The following DPH6 variants were observed in gnomAD, a reference collection of about 807,000 sequenced individuals.
DPH6 encodes the protein diphthamine biosynthesis 6.
Under a neutral mutation model 38.2 loss-of-function variants are expected in DPH6, and 33 were observed. The ratio of observed to expected loss-of-function variants is 0.86; its 90% CI spans 0.65 to 1.15. DPH6 has a LOEUF of 1.15. Ranked by LOEUF, DPH6 falls within the 50% of genes most tolerant of loss-of-function variation. The pLI, the probability that DPH6 is intolerant of heterozygous loss-of-function variation, is 0.00. For synonymous variants in DPH6, 108 were observed against 103.0 expected (o/e 1.05, Z -0.30); for missense variants, 325 against 320.0 (o/e 1.02, Z -0.12).
At chr15:35,381,349 T>A (rs2052861925) in intron 7 of DPH6, among the ~76,000 whole-genome samples, 1 of 152,126 alleles carries the variant, frequency 6.6e-6, no homozygotes, top group African/African-American at 2.4e-5. Context: ...AAAAACAAAG[T>A]TTATGTGTAA....
At chr15:35,199,071 C>T in the DPH6 span, among the ~76,000 whole-genome samples, 1 of 152,104 alleles carries the variant, frequency 6.6e-6, no homozygotes, top group African/African-American at 2.4e-5. Context: ...AGGCGCCCGC[C>T]ACAATGCCCA....
At chr15:35,178,928 C>T in the DPH6 span, among the ~76,000 whole-genome samples, 857 of 152,056 alleles carry the variant, frequency 5.6e-3, 2 homozygotes, top group Middle Eastern at 0.017. Context: ...TTATGCTGGC[C>T]GGATGCGGTG....
At chr15:35,254,359 T>C (rs1348505686) in intron 3 of DPH6, among the ~76,000 whole-genome samples, 2 of 152,216 alleles carry the variant, frequency 1.3e-5, no homozygotes, top group Admixed American at 6.5e-5. Flanking sequence ...ACAACCAAAC[T>C]GCCACATACA....
chr15:35,204,522 A>C, the DPH6 span, among the ~76,000 whole-genome samples: 1 of 151,826 alleles, frequency 6.6e-6, no homozygotes, highest in African/African-American at 2.4e-5. Context: ...AATTCTAAGA[A>C]CACAAATTAA....
intron 3 of DPH6, among the ~76,000 whole-genome samples, chr15:35,343,716 A>G (rs1157046467): frequency 6.6e-6 from 1 of 152,152 alleles, no homozygotes; most frequent in Non-Finnish European, 1.5e-5. Flanking sequence ...GGATTTGGTG[A>G]CATTGTATAC....
intron 3 of DPH6, among the ~76,000 whole-genome samples, chr15:35,304,815 A>G (rs1010914034): frequency 2.0e-5 from 3 of 151,748 alleles, no homozygotes; most frequent in African/African-American, 7.2e-5. Flanking sequence ...AACAAAACTC[A>G]GCAAGCTGCA....
At chr15:35,362,778 C>T (rs2052624646) in intron 3 of DPH6, among the ~76,000 whole-genome samples, 1 of 152,130 alleles carries the variant, frequency 6.6e-6, no homozygotes, top group South Asian at 2.1e-4. Flanking sequence ...ACAGTTGACA[C>T]AGATGGCTTT....
intron 3 of DPH6, among the ~76,000 whole-genome samples, chr15:35,534,884 A>G (rs776295659): frequency 6.6e-6 from 1 of 152,212 alleles, no homozygotes; most frequent in Non-Finnish European, 1.5e-5. Flanking sequence ...TAGGTCTCAC[A>G]TCCACACATC....
intron 3 of DPH6, chr15:35,489,413 C>T (rs958019943): frequency 1.5e-4 from 144 of 985,072 alleles, no homozygotes; most frequent in African/African-American, 1.9e-4. Context: ...CTTAAACTAG[C>T]TTAACTTTGT....
At chr15:35,216,171 CA>C (rs1173844558), downstream of DPH6, among the ~76,000 whole-genome samples, 2 of 152,184 alleles carry the variant, frequency 1.3e-5, no homozygotes, top group South Asian at 2.1e-4. Flanking sequence ...GGCCTTTGGA[CA>C]GGTTACCCTG....
At chr15:35,400,115 C>T (rs1374442274) in intron 6 of DPH6, among the ~76,000 whole-genome samples, 1 of 152,186 alleles carries the variant, frequency 6.6e-6, no homozygotes, top group Non-Finnish European at 1.5e-5. Flanking sequence ...TAGGTCTGAA[C>T]ATCTGGTTAA....
intron 3 of DPH6, among the ~76,000 whole-genome samples, chr15:35,475,911 G>A (rs1322162944): frequency 6.6e-6 from 1 of 151,644 alleles, no homozygotes; most frequent in Non-Finnish European, 1.5e-5. Context: ...TATAGCTGGA[G>A]AAAAGATACA....
At chr15:35,206,125 A>G in the DPH6 span, among the ~76,000 whole-genome samples, 2 of 152,152 alleles carry the variant, frequency 1.3e-5, no homozygotes, top group Non-Finnish European at 2.9e-5. Flanking sequence ...AGGCATGGCT[A>G]TATGCTTCTA....
intron 3 of DPH6, among the ~76,000 whole-genome samples, chr15:35,522,449 A>T (rs980250314): frequency 2.6e-5 from 4 of 152,172 alleles, no homozygotes; most frequent in Admixed American, 2.0e-4. Context: ...CCTAACTGGG[A>T]CACTGGCTTT....
Position 35,451,873 on chromosome 15 carries a change from G to A in DPH6, c.387-1070C>T, listed in dbSNP as rs545381106. On this transcript the variant is annotated intron_variant, in intron 4 of 8. Coordinates refer to ENST00000256538, the MANE Select transcript of DPH6 (RefSeq NM_080650.4). ...AAAATACAAAAAATTAGCCAGGCAT[G>A]GTGGCGGGCGCCTGTGGTCCCAGCT... Among the ~76,000 whole-genome samples the A allele has an allele frequency of 3.0e-4, 46 of 152,302 alleles. 1 individual carries two copies. The highest frequency in any genetic ancestry group is 5.3e-4 in the Non-Finnish European group (36 of 68,020).
chr15:35,228,203 C>T (rs2051495222), intron 3 of DPH6, among the ~76,000 whole-genome samples: 1 of 151,836 alleles, frequency 6.6e-6, no homozygotes. Context: ...TAATAAAGAC[C>T]CTGCACCTTA....
At chr15:35,470,281 A>C (rs903324356) in intron 3 of DPH6, among the ~76,000 whole-genome samples, 1 of 152,178 alleles carries the variant, frequency 6.6e-6, no homozygotes, top group African/African-American at 2.4e-5. Flanking sequence ...GCCAAAAGAA[A>C]GGGCTATCAC....
At chr15:35,535,533 T>C (rs1039219903) in intron 3 of DPH6, among the ~76,000 whole-genome samples, 2 of 152,136 alleles carry the variant, frequency 1.3e-5, no homozygotes, top group African/African-American at 4.8e-5. Context: ...ATATTTCCTA[T>C]AGAGATATAG....
At chr15:35,183,740 A>T in the DPH6 span, among the ~76,000 whole-genome samples, 1 of 152,216 alleles carries the variant, frequency 6.6e-6, no homozygotes, top group Non-Finnish European at 1.5e-5. Flanking sequence ...TGATGTTAAA[A>T]TAAAAGCAAA....
Sources: allele counts gnomAD v4.1 joint callset (sites outside exome capture counted in the v4.1 genomes callset), GRCh38; gene constraint gnomAD v4.1.1; transcripts MANE v1.5; gene names NCBI Gene and HGNC (gene_info 2026-07-23, HGNC 2026-07-21).